Variants in RFX2 observed in about 807,000 individuals in gnomAD.
RFX2 encodes the protein regulatory factor X2, also known as DNA-binding protein RFX2.
In RFX2, 20 loss-of-function variants were observed where a neutral mutation model predicts 87.8. That is an observed-to-expected ratio of 0.23 (90% confidence interval 0.16 to 0.33). The LOEUF (loss-of-function observed/expected upper bound fraction) is 0.33. RFX2 is among the 10% of genes least tolerant of loss of function. The pLI is 1.00. For synonymous variants in RFX2, 397 were observed against 431.3 expected, an observed-to-expected ratio of 0.92 and a Z score of 0.98; for missense variants, 767 against 1,012.3, an observed-to-expected ratio of 0.76 and a Z score of 3.29.
rs191650754 is a variant in RFX2, at chr19:5,998,981, C to T, written c.1860-1768G>A. 2.2e-3 allele frequency among the ~76,000 whole-genome samples: 332 copies of T among 152,312 alleles called. 1 individual carries two copies. Among genetic ancestry groups the T allele is most frequent in the African/African-American group, 7.7e-3 (321 of 41,562 alleles). ...TGCATAAGAATGAAGTCAGACCAGG[C>T]GTGGTGGCTCATGACTGGAATCGCA... is the stretch of plus-strand genomic sequence containing the variant. On this transcript the variant is annotated intron_variant, in intron 15 of 17. Coordinates refer to ENST00000303657, the MANE Select transcript of RFX2 (RefSeq NM_000635.4). This position sits in a 1 kb window ranked among gnomAD's most constrained non-coding sequence, Gnocchi z 4.2.
chr19:6,027,750 A>G lies in RFX2; in HGVS notation c.523-1513T>C, dbSNP rs908080884. On this transcript the variant is annotated intron_variant, in intron 5 of 17. Coordinates refer to ENST00000303657, the MANE Select transcript of RFX2 (RefSeq NM_000635.4). This position sits in a 1 kb window ranked among gnomAD's most constrained non-coding sequence, Gnocchi z 5.0. ...TGAGATTTCACCACCCACCCCTGAA[A>G]AAGAGCTTTATTTACTTATCTTTTT... Among the ~76,000 whole-genome samples, 1 of 152,200 alleles carries G rather than the reference A, an allele frequency of 6.6e-6. No homozygotes were observed. Among genetic ancestry groups the G allele is most frequent in the Admixed American group, 6.5e-5 (1 of 15,280 alleles).
At chr19:6,071,505 G>A (rs1179103311) in intron 1 of RFX2, among the ~76,000 whole-genome samples, 4 of 152,032 alleles carry the variant, frequency 2.6e-5, no homozygotes, top group East Asian at 1.9e-4. Context: ...AAAATGAAGC[G>A]AAGAAAGACA....
At chr19:6,067,023 C>G (rs567570856) in intron 1 of RFX2, among the ~76,000 whole-genome samples, 33 of 152,122 alleles carry the variant, frequency 2.2e-4, no homozygotes, top group Non-Finnish European at 4.3e-4. Context: ...GAGGGGAAAA[C>G]AGTTTACCAT....
Position 6,083,416 on chromosome 19 carries a change from C to T in RFX2, c.-9+26977G>A, listed in dbSNP as rs187781641. On this transcript the variant is annotated intron_variant, in intron 1 of 17. Transcript: ENST00000303657. The surrounding 1 kb of genome is among the most constrained non-coding windows in gnomAD (Gnocchi z 4.6). Reference sequence around the variant, plus strand: ...TGGACACTGAAATTTAATTTCATATCATTTTCATGTGTCACAAAATATTTT... The same window carrying T: ...TGGACACTGAAATTTAATTTCATATTATTTTCATGTGTCACAAAATATTTT... Among the ~76,000 whole-genome samples the T allele has an allele frequency of 5.9e-5, 9 of 152,162 alleles. No individual in the cohort carries two copies. Among genetic ancestry groups the T allele is most frequent in the African/African-American group, 2.2e-4 (9 of 41,502 alleles).
At chr19:6,054,456 T>C (rs2087305252) in intron 1 of RFX2, among the ~76,000 whole-genome samples, 1 of 152,196 alleles carries the variant, frequency 6.6e-6, no homozygotes, top group African/African-American at 2.4e-5. Flanking sequence ...CTAATATCTC[T>C]TATGCACATA....
rs1182692763 is a variant in RFX2, at chr19:6,017,758, C to G, written c.598-1487G>C. 6.6e-6 allele frequency among the ~76,000 whole-genome samples: 1 copy of G among 152,080 alleles called. No individual in the cohort carries two copies. Among genetic ancestry groups the G allele is most frequent in the Non-Finnish European group, 1.5e-5 (1 of 68,024 alleles). On this transcript the variant is annotated intron_variant, in intron 6 of 17. Transcript: ENST00000303657. This position sits in a 1 kb window ranked among gnomAD's most constrained non-coding sequence, Gnocchi z 4.1. ...CCTCCCCCACCGGGCATGTTGGGCT[C>G]CTGCACAGCCCTTGGCCTGGGAAGC... is the stretch of plus-strand genomic sequence containing the variant.
In RFX2 at chr19:6,047,527, T is replaced by G; in HGVS notation, c.-8-23A>C. On this transcript the variant is annotated intron_variant, in intron 1 of 17. Transcript: ENST00000303657. This position sits in a 1 kb window ranked among gnomAD's most constrained non-coding sequence, Gnocchi z 4.2. ...GGTCTAAAGAAAGGCGGAGAGAGAT[T>G]GGGTGGGCAAGGGCTGCAAGCACTG... The G allele has an allele frequency of 6.3e-7, 1 of 1,575,710 alleles. No individual in the cohort carries two copies. The highest frequency in any genetic ancestry group is 8.6e-7 in the Non-Finnish European group (1 of 1,156,156).
rs993215777 is a variant in RFX2 at position 6,011,646 on chromosome 19, T to G, written c.899+1340A>C. On this transcript the variant is annotated intron_variant, in intron 8 of 17. Transcript: ENST00000303657. The surrounding 1 kb of genome is among the most constrained non-coding windows in gnomAD (Gnocchi z 4.8). ...TGAACAACAGCAGTGAGCTCCAGAG[T>G]CCATGTCTGCAGACAACGAGGTACA... Among the ~76,000 whole-genome samples the G allele has an allele frequency of 4.6e-5, 7 of 152,098 alleles. No individual in the cohort carries two copies. The highest frequency in any genetic ancestry group is 1.0e-4 in the Non-Finnish European group (7 of 68,010).
chr19:6,096,137 A>G (rs2088019582), intron 1 of RFX2, among the ~76,000 whole-genome samples: 1 of 152,230 alleles, frequency 6.6e-6, no homozygotes, highest in Non-Finnish European at 1.5e-5. Flanking sequence ...TGCTCAAATA[A>G]AATAAAGGCA....
intron 1 of RFX2, among the ~76,000 whole-genome samples, chr19:6,062,556 C>T (rs538507581): frequency 8.5e-5 from 13 of 152,278 alleles, no homozygotes; most frequent in East Asian, 3.9e-4. Context: ...GTGGAGCTTC[C>T]GTCTCTTTTC....
intron 6 of RFX2, among the ~76,000 whole-genome samples, chr19:6,019,062 C>T (rs950057197): frequency 6.6e-6 from 1 of 152,106 alleles, no homozygotes; most frequent in Non-Finnish European, 1.5e-5. Context: ...CCCCCACCCC[C>T]CCGCCATGAG....
At chr19:6,091,146 CTG>C (rs1290206194) in intron 1 of RFX2, among the ~76,000 whole-genome samples, 5 of 152,148 alleles carry the variant, frequency 3.3e-5, no homozygotes, top group African/African-American at 9.7e-5. Flanking sequence ...CTTCACAACA[CTG>C]TGAAAATCCT....
rs546388886 is a variant in RFX2 at position 6,001,472 on chromosome 19, C to G, written c.1859+343G>C. 1.1e-4 allele frequency among the ~76,000 whole-genome samples: 17 copies of G among 152,252 alleles called. No individual in the cohort carries two copies. Among genetic ancestry groups the G allele is most frequent in the South Asian group, 6.2e-4 (3 of 4,826 alleles). On this transcript the variant is annotated intron_variant, in intron 15 of 17. Transcript: ENST00000303657. This position sits in a 1 kb window ranked among gnomAD's most constrained non-coding sequence, Gnocchi z 5.6. ...GAGGTCCTGATATTTTCCCCAGGGTCGTCTCAAATTTCTGGTCTCAAGCCA... is the reference window on the plus strand; with the variant it reads ...GAGGTCCTGATATTTTCCCCAGGGTGGTCTCAAATTTCTGGTCTCAAGCCA...
At chr19:6,025,784 C>CTTTTTTT in intron 6 of RFX2, among the ~76,000 whole-genome samples, 1 of 130,022 alleles carries the variant, frequency 7.7e-6, no homozygotes, top group East Asian at 2.2e-4. Flanking sequence ...TTGTCTTCTT[C>CTTTTTTT]TTTTTTTTTT....
intron 5 of RFX2, among the ~76,000 whole-genome samples, chr19:6,034,372 G>A (rs1223215858): frequency 1.3e-5 from 2 of 152,046 alleles, no homozygotes; most frequent in Non-Finnish European, 2.9e-5. Flanking sequence ...GGGACTACAG[G>A]TGCGCACCAC....
chr19:6,002,836 C>T lies in RFX2; in HGVS notation c.1535G>A (p.Arg512Gln), dbSNP rs763279781. Residue 512 changes from arginine to glutamine, a missense_variant, in exon 14 of 18, where the codon CGG becomes CAG. Physicochemically the swap from Arg to Gln is conservative, Grantham distance 43. Transcript: ENST00000303657. This position sits in a 1 kb window ranked among gnomAD's most constrained non-coding sequence, Gnocchi z 6.7. ...GVVSAFAQTLRRYTSLNHLAQ... is the reference protein window; with the variant it reads ...GVVSAFAQTLQRYTSLNHLAQ... ...CAGGTGGTTGAGGGACGTGTAGCGC[C>T]GCAGCGTCTGGGCGAAGGCACTGAC... 4.3e-6 allele frequency: 7 copies of T among 1,612,294 alleles called. No individual in the cohort carries two copies. Among genetic ancestry groups the T allele is most frequent in the Non-Finnish European group, 5.9e-6 (7 of 1,179,654 alleles).
At chr19:6,025,122 A>G (rs1447540671) in intron 6 of RFX2, among the ~76,000 whole-genome samples, 1 of 152,216 alleles carries the variant, frequency 6.6e-6, no homozygotes, top group Non-Finnish European at 1.5e-5. Context: ...AAGATGCCGA[A>G]CACATTTCCA....
chr19:6,070,738 G>C (rs2087595511), intron 1 of RFX2, among the ~76,000 whole-genome samples: 1 of 152,068 alleles, frequency 6.6e-6, no homozygotes, highest in Non-Finnish European at 1.5e-5. Context: ...GTCTTGCTCT[G>C]TCACCCAGGC....
rs989686383 is a variant in RFX2 at position 6,056,040 on chromosome 19, C to A, written c.-8-8536G>T. On this transcript the variant is annotated intron_variant, in intron 1 of 17. Coordinates refer to ENST00000303657, the MANE Select transcript of RFX2 (RefSeq NM_000635.4). This position sits in a 1 kb window ranked among gnomAD's most constrained non-coding sequence, Gnocchi z 4.6. ...GGGTGGGGGGGCAGGTGGCGGTGGG[C>A]GAGAGTGACTGGAAAGGGACAGGAG... Among the ~76,000 whole-genome samples the A allele has an allele frequency of 1.3e-5, 2 of 151,212 alleles. No individual in the cohort carries two copies. The highest frequency in any genetic ancestry group is 2.4e-5 in the African/African-American group (1 of 41,042).
Sources: gnomAD v4.1 joint callset for allele counts (sites outside exome capture counted in the v4.1 genomes callset) on GRCh38, gnomAD v4.1.1 for gene constraint, Gnocchi (gnomAD v3.1) non-coding constraint, MANE v1.5 for transcripts, NCBI Gene and HGNC (gene_info 2026-07-23, HGNC 2026-07-21) for gene names.